NAALADL2: variants seen among roughly 807,000 people sequenced by gnomAD.
NAALADL2 encodes the protein N-acetylated alpha-linked acidic dipeptidase like 2, also known as inactive N-acetylated-alpha-linked acidic dipeptidase-like protein 2.
NAALADL2 carries 76 observed loss-of-function variants against 87.2 expected under a neutral mutation model. The observed-to-expected ratio is 0.87, with a 90% CI of 0.72 to 1.05. The LOEUF (loss-of-function observed/expected upper bound fraction) is 1.05. NAALADL2 is among the 50% of genes least tolerant of loss of function. The pLI is 0.00. For missense variants in NAALADL2, 1,089 were observed against 945.8 expected (o/e 1.15, Z -1.99); for synonymous variants, 354 against 331.0 (o/e 1.07, Z -0.75).
At chr3:175,748,474 A>G (rs898298654) in intron 12 of NAALADL2, among the ~76,000 whole-genome samples, 1 of 152,232 alleles carries the variant, frequency 6.6e-6, no homozygotes, top group African/African-American at 2.4e-5. Flanking sequence ...TATGCAGAAC[A>G]TAAATCATAC....
intron 3 of NAALADL2, among the ~76,000 whole-genome samples, chr3:174,764,609 A>C (rs1373743183): frequency 1.3e-5 from 2 of 152,232 alleles, no homozygotes; most frequent in African/African-American, 4.8e-5. Context: ...ACTCTGTCTC[A>C]AAATAAAAAC....
At chr3:175,301,186 C>T (rs1457207967) in intron 4 of NAALADL2, among the ~76,000 whole-genome samples, 2 of 152,064 alleles carry the variant, frequency 1.3e-5, no homozygotes, top group Non-Finnish European at 2.9e-5. Flanking sequence ...TTATATCTTT[C>T]CTGCTTTCTC....
At chr3:174,909,746 AT>A (rs1027557583) in intron 1 of NAALADL2, among the ~76,000 whole-genome samples, 2 of 152,106 alleles carry the variant, frequency 1.3e-5, no homozygotes, top group African/African-American at 4.8e-5. Context: ...TAAAAGGACT[AT>A]TCTGAGGATT....
In NAALADL2 at chr3:175,625,246, T is replaced by A. The variant is rs761513617; in HGVS notation, c.1801-2045T>A. Among the ~76,000 whole-genome samples, 122 of 151,994 alleles carry A rather than the reference T, an allele frequency of 8.0e-4. 1 individual carries two copies. Among genetic ancestry groups the A allele is most frequent in the Middle Eastern group, 3.2e-3 (1 of 316 alleles). On this transcript the variant is annotated intron_variant, in intron 10 of 13. Transcript: ENST00000454872. ...TATTTAAACTCCACATAACCTCAGG[T>A]CTATTTTACTTTGAATAGTGATGAG...
intron 1 of NAALADL2, among the ~76,000 whole-genome samples, chr3:175,048,703 G>A (rs1419046696): frequency 1.3e-5 from 2 of 152,036 alleles, no homozygotes; most frequent in African/African-American, 4.8e-5. Flanking sequence ...TTACAGCTAA[G>A]TATTGTTTTA....
intron 5 of NAALADL2, among the ~76,000 whole-genome samples, chr3:175,344,838 C>G (rs1762958728): frequency 6.6e-6 from 1 of 152,044 alleles, no homozygotes; most frequent in South Asian, 2.1e-4. Context: ...AAATAAAATA[C>G]TTTTATAAAT....
intron 1 of NAALADL2, among the ~76,000 whole-genome samples, chr3:174,882,781 A>ACGTG (rs1491289461): frequency 1.9e-5 from 2 of 107,884 alleles, no homozygotes; most frequent in Non-Finnish European, 3.7e-5. Context: ...GTATATATAC[A>ACGTG]TATGTGTATA....
At chr3:175,756,589 G>A (rs1033256488) in intron 13 of NAALADL2, among the ~76,000 whole-genome samples, 3 of 152,146 alleles carry the variant, frequency 2.0e-5, no homozygotes, top group South Asian at 2.1e-4. Context: ...ATCAAATACC[G>A]CATGTGCTCA....
chr3:174,713,358 A>G (rs1331148463), intron 2 of NAALADL2, among the ~76,000 whole-genome samples: 3 of 152,336 alleles, frequency 2.0e-5, no homozygotes, highest in Non-Finnish European at 4.4e-5. Flanking sequence ...TTCTAGTTCT[A>G]GATCCCTGAG....
rs1716004539 is a variant in NAALADL2, at chr3:175,073,378, G to A, written c.44-23412G>A. ...TCTTACAACTTTGAGATCAGTTGTG[G>A]CAATACAGAGCAGCTCTATATTTCT... On this transcript the variant is annotated intron_variant, in intron 1 of 13. Transcript: ENST00000454872. 3.3e-5 allele frequency among the ~76,000 whole-genome samples: 5 copies of A among 152,108 alleles called. No homozygotes were observed. In the South Asian group the frequency reaches 1.0e-3, roughly 32 times the overall value.
chr3:174,667,704 G>A (rs1445138645), intron 2 of NAALADL2, among the ~76,000 whole-genome samples: 12 of 151,944 alleles, frequency 7.9e-5, no homozygotes. Flanking sequence ...CTGCTCTGGA[G>A]CTTCTAAGCT....
At chr3:175,570,309 T>G (rs900041759) in intron 9 of NAALADL2, among the ~76,000 whole-genome samples, 1 of 152,210 alleles carries the variant, frequency 6.6e-6, no homozygotes, top group African/African-American at 2.4e-5. Flanking sequence ...TCTGCTTTAC[T>G]CAGCCTGTCA....
chr3:174,552,075 A>C (rs1322815264), intron 2 of NAALADL2, among the ~76,000 whole-genome samples: 1 of 152,238 alleles, frequency 6.6e-6, no homozygotes, highest in African/African-American at 2.4e-5. Flanking sequence ...TGCCTTGTGG[A>C]TACTAATCGT....
chr3:174,765,718 A>G (rs749676028), intron 3 of NAALADL2, among the ~76,000 whole-genome samples: 3 of 152,228 alleles, frequency 2.0e-5, no homozygotes, highest in Non-Finnish European at 1.5e-5. Flanking sequence ...ACAGGTTTTT[A>G]TATTATTCAG....
At chr3:175,667,095 A>AAAGG (rs200489923) in intron 11 of NAALADL2, among the ~76,000 whole-genome samples, 15 of 150,160 alleles carry the variant, frequency 1.0e-4, no homozygotes, top group East Asian at 3.9e-4. Flanking sequence ...GGCAAGAAAG[A>AAAGG]AAGGAAGGAA....
chr3:174,617,182 G>A (rs923914816), intron 2 of NAALADL2, among the ~76,000 whole-genome samples: 1 of 151,658 alleles, frequency 6.6e-6, no homozygotes, highest in Non-Finnish European at 1.5e-5. Flanking sequence ...TTGTCGAACA[G>A]GTAAATTTGA....
At chr3:175,074,574 G>T (rs1309277966) in intron 1 of NAALADL2, among the ~76,000 whole-genome samples, 1 of 151,992 alleles carries the variant, frequency 6.6e-6, no homozygotes, top group Non-Finnish European at 1.5e-5. Flanking sequence ...AAAAATTGTG[G>T]TTTGAACATT....
intron 5 of NAALADL2, among the ~76,000 whole-genome samples, chr3:175,444,435 T>A (rs536126262): frequency 6.6e-6 from 1 of 152,284 alleles, no homozygotes; most frequent in East Asian, 1.9e-4. Context: ...CTCATCACTT[T>A]TGGCTGAGAG....
Position 175,755,398 on chromosome 3 carries a change from G to A in NAALADL2, c.2169G>A (p.Gln723=), listed in dbSNP as rs1747137171. 2 of 1,599,432 alleles carry A rather than the reference G, an allele frequency of 1.3e-6. No homozygotes were observed. The highest frequency in any genetic ancestry group is 1.3e-5 in the African/African-American group (1 of 74,660). Residue 723 remains glutamine, a synonymous_variant, in exon 13 of 14, where the codon CAG becomes CAA. Coordinates refer to ENST00000454872, the MANE Select transcript of NAALADL2 (RefSeq NM_207015.3). ...TGGAGAAAAGCTTTCTGGTAAAGCA[G>A]GCACCACCAGGTTTTTATAGGTAGG... ...QDMEKSFLVK[Q]APPGFYRNIL...
Sources: allele counts gnomAD v4.1 joint callset (sites outside exome capture counted in the v4.1 genomes callset), GRCh38; gene constraint gnomAD v4.1.1; transcripts MANE v1.5; gene names NCBI Gene and HGNC (gene_info 2026-07-23, HGNC 2026-07-21).